The following ABCA13 variants were observed in gnomAD, a reference collection of about 807,000 sequenced individuals.
The protein encoded by ABCA13 is ATP-binding cassette sub-family A member 13.
In ABCA13, 476 loss-of-function variants were observed where a neutral mutation model predicts 478.7. The observed-to-expected ratio is 0.99, with a 90% confidence interval of 0.92 to 1.07. ABCA13 has a LOEUF of 1.07. ABCA13 is among the 50% of genes least tolerant of loss of function. The pLI is 0.00. For synonymous variants in ABCA13, 2,252 were observed against 2,158.9 expected (o/e 1.04, Z -1.20); for missense variants, 6,060 against 5,910.6 (o/e 1.03, Z -0.83).
In ABCA13 at chr7:48,335,513, G is replaced by T. The variant is rs1346464319; in HGVS notation, c.10091G>T (p.Gly3364Val). 2 of 1,613,588 alleles carry T rather than the reference G, an allele frequency of 1.2e-6. No individual in the cohort carries two copies. The highest frequency in any genetic ancestry group is 4.5e-5 in the East Asian group (2 of 44,858). ...MSSLFQRSGS[G>V]QMFNQLQEAL... ...AGCCTTTTCCAGAGAAGTGGAAGTG[G>T]CCAGATGTTCAACCAGCTGCAGGTG... The change falls in exon 28 of 62, where the codon GGC becomes GTC. Residue 3364 changes from glycine to valine, a missense_variant. This residue lies in a region of ABCA13 where 4,423 missense variants were observed against 4,309.1 expected (regional missense o/e 1.03). Transcript: ENST00000435803.
intron 1 of ABCA13, among the ~76,000 whole-genome samples, chr7:48,189,304 G>A (rs1475976023): frequency 6.6e-6 from 1 of 152,196 alleles, no homozygotes; most frequent in Non-Finnish European, 1.5e-5. Flanking sequence ...GATTAAAAAT[G>A]TGATGAGAAA....
chr7:48,335,527 C>T lies in ABCA13; in HGVS notation c.10105C>T (p.Gln3369Ter), dbSNP rs770827382. Residue 3369 changes from glutamine to a stop codon, truncating the protein, a stop_gained, in exon 28 of 62, where the codon CAG becomes TAG. Transcript: ENST00000435803. LOFTEE classifies it high-confidence loss of function. ...QRSGSGQMFN[Q>*]LQEALRNKFV... Reference sequence around the variant, plus strand: ...AAGTGGAAGTGGCCAGATGTTCAACCAGCTGCAGGTGAGTGGTTGGTCTTT... The same window carrying T: ...AAGTGGAAGTGGCCAGATGTTCAACTAGCTGCAGGTGAGTGGTTGGTCTTT... 27 of 1,613,098 alleles carry T rather than the reference C, an allele frequency of 1.7e-5. No individual in the cohort carries two copies. The highest frequency in any genetic ancestry group is 2.3e-5 in the Non-Finnish European group (27 of 1,179,460).
chr7:48,172,797 C>CAAAAAAAAAAAAAAA (rs36196847), intron 1 of ABCA13, among the ~76,000 whole-genome samples: 1 of 75,512 alleles, frequency 1.3e-5, no homozygotes, highest in African/African-American at 5.4e-5. Flanking sequence ...GACTCCGTCT[C>CAAAAAAAAAAAAAAA]AAAAAAAAAA....
chr7:48,461,979 T>G (rs1289318664), intron 43 of ABCA13, among the ~76,000 whole-genome samples: 3 of 152,032 alleles, frequency 2.0e-5, no homozygotes, highest in Admixed American at 1.3e-4. Context: ...GTCTTATAGG[T>G]AGATACTTGG....
At chr7:48,441,978 C>T (rs761726883) in intron 42 of ABCA13, among the ~76,000 whole-genome samples, 3 of 152,190 alleles carry the variant, frequency 2.0e-5, no homozygotes, top group African/African-American at 7.2e-5. Flanking sequence ...GAACATGTAG[C>T]ACAGAGTAAA....
intron 35 of ABCA13, among the ~76,000 whole-genome samples, chr7:48,386,923 C>CT (rs1171134282): frequency 6.6e-6 from 1 of 152,174 alleles, no homozygotes; most frequent in East Asian, 1.9e-4. Flanking sequence ...GCAAAAGAAA[C>CT]TATTGACAGA....
chr7:48,293,857 T>A (rs1798935972), intron 20 of ABCA13, among the ~76,000 whole-genome samples: 1 of 152,070 alleles, frequency 6.6e-6, no homozygotes, highest in South Asian at 2.1e-4. Flanking sequence ...ATGTGGAGAG[T>A]GGGGACCTAC....
chr7:48,176,761 A>G (rs1433543129), intron 1 of ABCA13, among the ~76,000 whole-genome samples: 4 of 152,106 alleles, frequency 2.6e-5, no homozygotes, highest in Non-Finnish European at 5.9e-5. Flanking sequence ...CCCTGGGGCT[A>G]GGTAGGGAGC....
chr7:48,602,505 G>T (rs1409894011), intron 58 of ABCA13, among the ~76,000 whole-genome samples: 2 of 152,012 alleles, frequency 1.3e-5, no homozygotes, highest in African/African-American at 4.8e-5. Flanking sequence ...GCTTGTTTTT[G>T]CCAGTTTTGT....
At chr7:48,201,047 G>C (rs902818795) in intron 3 of ABCA13, among the ~76,000 whole-genome samples, 1 of 152,150 alleles carries the variant, frequency 6.6e-6, no homozygotes, top group South Asian at 2.1e-4. Flanking sequence ...CTCGCTCACC[G>C]CGCAGAGCTC....
At position 48,244,689 on chromosome 7, in the gene ABCA13, T is replaced by A; in HGVS notation, c.1376T>A (p.Leu459Ter). 1 of 1,600,234 alleles carries A rather than the reference T, an allele frequency of 6.2e-7. No homozygotes were observed. The highest frequency in any genetic ancestry group is 1.7e-5 in the Admixed American group (1 of 58,812). ...CTCAGAAATGCGATAGCTCAGAATT[T>A]ACATTTTGTCCAAGGTAAGCTAGCT... ...GALRNAIAQN[L>*]HFVQEVLICL... Residue 459 changes from leucine (L) to a stop codon, truncating the protein, a stop_gained, in exon 11 of 62, where the codon TTA (leucine) becomes TAA (stop). Transcript: ENST00000435803. LOFTEE classifies it high-confidence loss of function.
chr7:48,340,170 A>G (rs1034515447), intron 29 of ABCA13, among the ~76,000 whole-genome samples: 1 of 152,064 alleles, frequency 6.6e-6, no homozygotes, highest in African/African-American at 2.4e-5. Context: ...GCAATGGTGC[A>G]ATCTCAGCTC....
intron 55 of ABCA13, among the ~76,000 whole-genome samples, chr7:48,532,014 G>GT (rs1585721278): frequency 6.6e-6 from 1 of 151,904 alleles, no homozygotes; most frequent in East Asian, 1.9e-4. Flanking sequence ...TGATTGCTCT[G>GT]GCTAGGACTT....
At position 48,389,099 on chromosome 7, in the gene ABCA13, G is replaced by T. The variant is rs760206377; in HGVS notation, c.11533G>T (p.Val3845Leu). 6.2e-7 allele frequency: 1 copy of T among 1,613,932 alleles called. No homozygotes were observed. The highest frequency in any genetic ancestry group is 8.5e-7 in the Non-Finnish European group (1 of 1,179,854). Residue 3845 changes from valine (V) to leucine (L), a missense_variant, in exon 37 of 62, where the codon GTG becomes TTG. Physicochemically the swap from Val to Leu is conservative, Grantham distance 32. Coordinates refer to ENST00000435803, the MANE Select transcript of ABCA13 (RefSeq NM_152701.5). Reference protein sequence around the residue: ...LEGSAPGVTLVSVTKEYEGHK... With the variant: ...LEGSAPGVTLLSVTKEYEGHK... ...AGGAAGTGCCCCGGGAGTCACCCTG[G>T]TGTCTGTGACCAAGGAATATGAGGG...
In ABCA13 at chr7:48,271,859, CT is replaced by C; in HGVS notation, c.2196del (p.Leu733PhefsTer36). 4 of 1,599,038 alleles carry C rather than the reference CT, an allele frequency of 2.5e-6. No individual in the cohort carries two copies. The highest frequency in any genetic ancestry group is 3.4e-6 in the Non-Finnish European group (4 of 1,171,892). ...ACACCCTTGAGGATGAACAAATGAA[CT>C]TTCTTTTATCATTTGTGGAATTTTT... ...LHTLEDEQMN[F>X]LLSFVEFFEK... On this transcript the variant is annotated frameshift_variant, in exon 17 of 62. Transcript: ENST00000435803. LOFTEE classifies it high-confidence loss of function.
intron 59 of ABCA13, among the ~76,000 whole-genome samples, chr7:48,615,990 G>A (rs572638811): frequency 1.3e-5 from 2 of 151,894 alleles, no homozygotes; most frequent in South Asian, 2.1e-4. Flanking sequence ...ATTTGTGTGA[G>A]CATTGTTACA....
At chr7:48,237,113 T>C (rs1006873560) in intron 8 of ABCA13, among the ~76,000 whole-genome samples, 1 of 142,222 alleles carries the variant, frequency 7.0e-6, no homozygotes, top group African/African-American at 2.6e-5. Context: ...TGTGGAAAAA[T>C]GCAAAAGTCT....
intron 25 of ABCA13, 76 bp from the exon 26 acceptor site, chr7:48,314,156 C>G: frequency 2.7e-6 from 4 of 1,470,114 alleles, no homozygotes; most frequent in Non-Finnish European, 3.7e-6. Flanking sequence ...GAGGAAGGAA[C>G]TAGACTTTCA....
chr7:48,350,515 T>C (rs1435165243), intron 29 of ABCA13, 128 bp from the exon 30 acceptor site: 5 of 1,196,832 alleles, frequency 4.2e-6, no homozygotes, highest in Non-Finnish European at 5.7e-6. Flanking sequence ...TTTGACTCTT[T>C]TGAGCAATTT....
Sources: gnomAD v4.1 joint callset for allele counts (sites outside exome capture counted in the v4.1 genomes callset) on GRCh38, gnomAD v4.1.1 for gene constraint, gnomAD v4.1.1 regional missense constraint, MANE v1.5 for transcripts, NCBI Gene and HGNC (gene_info 2026-07-23, HGNC 2026-07-21) for gene names.